POGZ: variants seen among roughly 807,000 people sequenced by gnomAD.
POGZ encodes the protein pogo transposable element derived with ZNF domain.
In POGZ, 17 loss-of-function variants were observed where a neutral mutation model predicts 134.6. The ratio of observed to expected loss-of-function variants is 0.13; its 90% CI spans 0.09 to 0.19. POGZ has a LOEUF of 0.19. Ranked by LOEUF, POGZ falls within the 10% of genes least tolerant of loss-of-function variation. The probability of loss-of-function intolerance (pLI) is 1.00; values close to 1 mark genes in which losing one functional copy is unlikely to be tolerated. For missense variants in POGZ, 1,306 were observed against 1,769.7 expected (o/e 0.74, Z 4.70); for synonymous variants, 693 against 657.1 (o/e 1.05, Z -0.84).
At chr1:151,420,436 C>A (rs1051736540) in intron 10 of POGZ, among the ~76,000 whole-genome samples, 1 of 152,120 alleles carries the variant, frequency 6.6e-6, no homozygotes, top group African/African-American at 2.4e-5. Flanking sequence ...CCCACCTCTA[C>A]CTCCTGAGTA....
Position 151,404,934 on chromosome 1 carries a change from G to C in POGZ, c.4101C>G (p.Ser1367=), listed in dbSNP as rs937135221. 6.2e-7 allele frequency: 1 copy of C among 1,614,212 alleles called. No homozygotes were observed. The highest frequency in any genetic ancestry group is 2.2e-5 in the East Asian group (1 of 44,890). ...CAGGAGATGATCTGGGTCGTGGAGT[G>C]GAAGACTCAGAATGTTCCCCACTCA... ...LKLSGEHSES[S]TPRPRSSPEE... is the part of the protein sequence containing the mutation. The change falls in exon 19 of 19, where the codon TCC becomes TCG. Residue 1367 remains serine (S), a synonymous_variant. Coordinates refer to ENST00000271715, the MANE Select transcript of POGZ (RefSeq NM_015100.4).
chr1:151,432,692 C>A (rs1406954081), intron 3 of POGZ, among the ~76,000 whole-genome samples: 2 of 152,158 alleles, frequency 1.3e-5, no homozygotes, highest in Non-Finnish European at 2.9e-5. Flanking sequence ...TACATACTTA[C>A]TAGTTCCCAT....
In POGZ at chr1:151,411,607, T is replaced by C. The variant is rs578009835; in HGVS notation, c.1926+18A>G. On this transcript the variant is annotated intron_variant, in intron 12 of 18. Coordinates refer to ENST00000271715, the MANE Select transcript of POGZ (RefSeq NM_015100.4). The stretch of plus-strand genomic sequence containing the variant: ...AAAAAAAAACAAGAGAATATGGGAA[T>C]TGCTTGGTGCCTAGTACCTGGTGCC... 34 of 1,554,132 alleles carry C rather than the reference T, an allele frequency of 2.2e-5. No individual in the cohort carries two copies. The highest frequency in any genetic ancestry group is 2.8e-5 in the Non-Finnish European group (32 of 1,144,492).
In POGZ at chr1:151,405,834, G is replaced by A. The variant is rs368922037; in HGVS notation, c.3201C>T (p.Ile1067=). Residue 1067 remains isoleucine, a synonymous_variant, in exon 19 of 19, where the codon ATC becomes ATT. Transcript: ENST00000271715. This position sits in a 1 kb window ranked among gnomAD's most constrained non-coding sequence, Gnocchi z 4.9. ...TGAAACGCACAGCCCACTCATAGGA[G>A]ATCTTAAACCCCCCTTCCAAAGAAC... The part of the protein sequence containing the change: ...IGRSLEGGFK[I]SYEWAVRFML... The A allele has an allele frequency of 5.5e-5, 88 of 1,614,160 alleles. 1 individual carries two copies. In the South Asian group the frequency reaches 8.1e-4, roughly 15 times the overall value.
chr1:151,438,565 T>C (rs1382211761), intron 3 of POGZ, among the ~76,000 whole-genome samples: 1 of 152,136 alleles, frequency 6.6e-6, no homozygotes, highest in Non-Finnish European at 1.5e-5. Context: ...GACTAGGTCA[T>C]CTCAGCATGT....
intron 1 of POGZ, among the ~76,000 whole-genome samples, chr1:151,446,370 TTTTAA>T (rs1243100530): frequency 1.3e-5 from 2 of 151,950 alleles, no homozygotes; most frequent in Non-Finnish European, 2.9e-5. Context: ...TTAAGGGGCA[TTTTAA>T]TTTCTCATTT....
chr1:151,449,546 A>T (rs895367033), intron 1 of POGZ, among the ~76,000 whole-genome samples: 5 of 151,698 alleles, frequency 3.3e-5, no homozygotes, highest in Non-Finnish European at 4.4e-5. Flanking sequence ...GAGGGCAATT[A>T]AAAAAAAATC....
chr1:151,413,569 G>A (rs1021936715), intron 10 of POGZ, among the ~76,000 whole-genome samples: 3 of 152,030 alleles, frequency 2.0e-5, no homozygotes, highest in African/African-American at 7.2e-5. Flanking sequence ...AAAGCCTTGG[G>A]CATTTACTGG....
At position 151,423,465 on chromosome 1, in the gene POGZ, C is replaced by A; in HGVS notation, c.1610G>T (p.Arg537Leu). The change falls in exon 10 of 19, where the codon CGC becomes CTC. Residue 537 changes from arginine to leucine, a missense_variant. Transcript: ENST00000271715. ...AAGCTGGAAGGGAGTGGAAAACTGG[C>A]GGTAACAGTGCTGGCAGATAGTGTG... Reference protein sequence around the residue: ...DGHTICQHCYRQFSTPFQLQC... With the variant: ...DGHTICQHCYLQFSTPFQLQC... 6.2e-7 allele frequency: 1 copy of A among 1,613,844 alleles called. No homozygotes were observed.
At chr1:151,409,766 T>C (rs536043331) in intron 12 of POGZ, among the ~76,000 whole-genome samples, 1 of 152,326 alleles carries the variant, frequency 6.6e-6, no homozygotes, top group South Asian at 2.1e-4. Context: ...ACACAAATGA[T>C]AGCACTTGTC....
At chr1:151,411,575 TTA>T in intron 12 of POGZ, 48 bp downstream of exon 12, 3 of 1,311,526 alleles carry the variant, frequency 2.3e-6, no homozygotes, top group East Asian at 2.4e-5. Context: ...GCATCCATGT[TTA>T]AAAAAAAAAA....
chr1:151,404,080 C>G lies in POGZ; in HGVS notation c.*722G>C, dbSNP rs1199016747. The G allele has an allele frequency of 1.0e-6, 1 of 985,332 alleles. No homozygotes were observed. Among genetic ancestry groups the G allele is most frequent in the Admixed American group, 6.1e-5 (1 of 16,262 alleles). The allele number at this position is 985,332 out of a possible 1,614,324, so 61.0% of individuals were successfully genotyped here. ...GGAAGGTGGTGAGGAAAAGACAAAT[C>G]TATTCATTCTGGATAATTAAAGGTG... On this transcript the variant is annotated 3_prime_UTR_variant, in exon 19 of 19. Coordinates refer to ENST00000271715, the MANE Select transcript of POGZ (RefSeq NM_015100.4).
chr1:151,455,904 T>C (rs1014422945), intron 1 of POGZ, among the ~76,000 whole-genome samples: 142 of 147,318 alleles, frequency 9.6e-4, no homozygotes, highest in Middle Eastern at 3.4e-3. Context: ...CTTTTTTTTT[T>C]TTTTTTTTTT....
chr1:151,405,013 C>G lies in POGZ; in HGVS notation c.4022G>C (p.Arg1341Thr). 6.2e-7 allele frequency: 1 copy of G among 1,614,196 alleles called. No individual in the cohort carries two copies. The highest frequency in any genetic ancestry group is 1.3e-5 in the African/African-American group (1 of 75,048). ...GPDGNINSPTRNADMQEELIA... is the reference protein window; with the variant it reads ...GPDGNINSPTTNADMQEELIA... ...TAGCTCCTCCTGCATGTCAGCATTTCTTGTAGGTGAGTTAATGTTGCCATC... is the reference window on the plus strand; with the variant it reads ...TAGCTCCTCCTGCATGTCAGCATTTGTTGTAGGTGAGTTAATGTTGCCATC... Residue 1341 changes from arginine (R) to threonine (T), a missense_variant, in exon 19 of 19, where the codon AGA becomes ACA. By Grantham distance (71) the Arg-to-Thr change is moderately conservative (BLOSUM62 -1). Coordinates refer to ENST00000271715, the MANE Select transcript of POGZ (RefSeq NM_015100.4). The surrounding 1 kb of genome is among the most constrained non-coding windows in gnomAD (Gnocchi z 4.9).
At chr1:151,433,543 G>A (rs1240377426) in intron 3 of POGZ, among the ~76,000 whole-genome samples, 3 of 146,342 alleles carry the variant, frequency 2.0e-5, no homozygotes, top group Admixed American at 1.4e-4. Context: ...AGGAGGCAGA[G>A]GTTGCATTGA....
intron 4 of POGZ, 93 bp downstream of exon 4, chr1:151,430,573 C>T (rs1449781271): frequency 2.1e-6 from 2 of 947,752 alleles, no homozygotes; most frequent in African/African-American, 3.4e-5. Context: ...CTTAGAACCA[C>T]TTCTAATGAC....
intron 10 of POGZ, among the ~76,000 whole-genome samples, chr1:151,420,412 G>T (rs1251055864): frequency 6.6e-6 from 1 of 152,134 alleles, no homozygotes; most frequent in East Asian, 1.9e-4. Context: ...GACCTACTGG[G>T]CTCAAGCAAT....
At chr1:151,414,789 G>GA (rs1256465561) in intron 10 of POGZ, among the ~76,000 whole-genome samples, 1 of 151,492 alleles carries the variant, frequency 6.6e-6, no homozygotes. Flanking sequence ...TCAAAAAAAA[G>GA]AAAAAAAAGA....
rs1208420565 is a variant in POGZ at position 151,405,029 on chromosome 1, T to C, written c.4006A>G (p.Ile1336Val). 3 of 1,614,092 alleles carry C rather than the reference T, an allele frequency of 1.9e-6. No homozygotes were observed. Among genetic ancestry groups the C allele is most frequent in the Non-Finnish European group, 2.5e-6 (3 of 1,180,044 alleles). ...ASVLPGPDGN[I>V]NSPTRNADMQ... is the part of the protein sequence containing the mutation. ...TCAGCATTTCTTGTAGGTGAGTTAA[T>C]GTTGCCATCGGGGCCAGGCAGAACA... is the stretch of plus-strand genomic sequence containing the variant. Residue 1336 changes from isoleucine to valine, a missense_variant, in exon 19 of 19, where the codon ATT becomes GTT. By Grantham distance (29) the Ile-to-Val change is conservative. Transcript: ENST00000271715. This position sits in a 1 kb window ranked among gnomAD's most constrained non-coding sequence, Gnocchi z 4.9.
Sources: gnomAD v4.1 joint callset for allele counts (sites outside exome capture counted in the v4.1 genomes callset) on GRCh38, gnomAD v4.1.1 for gene constraint, Gnocchi (gnomAD v3.1) non-coding constraint, MANE v1.5 for transcripts, NCBI Gene and HGNC (gene_info 2026-07-23, HGNC 2026-07-21) for gene names.